The following TMEM94 variants were observed in gnomAD, a reference collection of about 807,000 sequenced individuals.
The protein encoded by TMEM94 is ER Mg2+ ATPase.
TMEM94 carries 81 observed loss-of-function variants against 158.6 expected under a neutral mutation model. The observed-to-expected ratio is 0.51, with a 90% CI of 0.43 to 0.61. TMEM94 has a LOEUF of 0.61. Among genes scored for constraint, TMEM94 ranks in the 20% least tolerant of loss-of-function variants. TMEM94 has a pLI of 0.00. For missense variants in TMEM94, 1,435 were observed against 1,762.0 expected (o/e 0.81, Z 3.32); for synonymous variants, 751 against 730.7 (o/e 1.03, Z -0.45).
rs185908227 is a variant in TMEM94 at position 75,488,168 on chromosome 17, C to T, written c.612+34C>T. On this transcript the variant is annotated intron_variant, in intron 6 of 31. Coordinates refer to ENST00000314256, the MANE Select transcript of TMEM94 (RefSeq NM_014738.6). The stretch of plus-strand genomic sequence containing the variant: ...AGGCTTTCCTTCTCCCTTGGAAATG[C>T]GGTGGGAACATCCACAGGCAACGAT... 1.3e-3 allele frequency: 2,147 copies of T among 1,602,622 alleles called. 16 individuals carry two copies. The highest frequency in any genetic ancestry group is 9.6e-4 in the South Asian group (87 of 90,770).
intron 2 of TMEM94, among the ~76,000 whole-genome samples, chr17:75,477,940 C>T (rs2050803140): frequency 7.1e-6 from 1 of 141,476 alleles, no homozygotes. Context: ...ACCCGAGAGA[C>T]GGAGGTTGTG....
chr17:75,463,662 G>C (rs897029445), intron 1 of TMEM94, among the ~76,000 whole-genome samples: 16 of 152,170 alleles, frequency 1.1e-4, no homozygotes, highest in African/African-American at 3.6e-4. Context: ...TTATACAGTA[G>C]TTTTTGAACC....
At position 75,495,324 on chromosome 17, in the gene TMEM94, G is replaced by C. The variant is rs143888419; in HGVS notation, c.2769G>C (p.Glu923Asp). Residue 923 changes from glutamate to aspartate, a missense_variant, in exon 21 of 32, where the codon GAG becomes GAC. By Grantham distance (45) the Glu-to-Asp change is conservative. Coordinates refer to ENST00000314256, the MANE Select transcript of TMEM94 (RefSeq NM_014738.6). The surrounding 1 kb of genome is among the most constrained non-coding windows in gnomAD (Gnocchi z 5.6). ...DDAEGLLLMEEEGHSDLISFQ... is the reference protein window; with the variant it reads ...DDAEGLLLMEDEGHSDLISFQ... Reference sequence around the variant, plus strand: ...CAGAAGGGCTCCTCCTCATGGAGGAGGAGGGCCACTCGGACCTCATCAGCT... The same window carrying C: ...CAGAAGGGCTCCTCCTCATGGAGGACGAGGGCCACTCGGACCTCATCAGCT... 7.4e-6 allele frequency: 12 copies of C among 1,613,578 alleles called. No homozygotes were observed. The highest frequency in any genetic ancestry group is 1.0e-5 in the Non-Finnish European group (12 of 1,179,854).
At chr17:75,496,605 C>A in intron 24 of TMEM94, 125 bp from the exon 25 acceptor site, 2 of 1,376,572 alleles carry the variant, frequency 1.5e-6, no homozygotes, top group East Asian at 2.3e-5. Context: ...CAGGCAGTTA[C>A]ATTCGCCTCT....
At position 75,499,675 on chromosome 17, in the gene TMEM94, GC is replaced by G; in HGVS notation, c.*347del. 3.8e-6 allele frequency: 1 copy of G among 262,526 alleles called. No individual in the cohort carries two copies. Among genetic ancestry groups the G allele is most frequent in the Non-Finnish European group, 7.4e-6 (1 of 136,032 alleles). The allele number at this position is 262,526 out of a possible 1,614,324, so 16.3% of individuals were successfully genotyped here. ...TCCCTTGCCCCCTTGGAGATCCCTT[GC>G]CCCCCAGTGCCTCTGCTCGTGGGTC... is the stretch of plus-strand genomic sequence containing the variant. On this transcript the variant is annotated 3_prime_UTR_variant, in exon 32 of 32. Transcript: ENST00000314256.
Position 75,488,022 on chromosome 17 carries a change from G to A in TMEM94, c.500G>A (p.Trp167Ter). 1 of 1,614,178 alleles carries A rather than the reference G, an allele frequency of 6.2e-7. No homozygotes were observed. Among genetic ancestry groups the A allele is most frequent in the Non-Finnish European group, 8.5e-7 (1 of 1,180,016 alleles). ...MPFAPSWSLH[W>*]AYRDGHLVNL... Reference sequence around the variant, plus strand: ...TTTGCGCCATCCTGGTCCTTGCACTGGGCCTACAGAGACGGACACCTGGTC... The same window carrying A: ...TTTGCGCCATCCTGGTCCTTGCACTAGGCCTACAGAGACGGACACCTGGTC... Residue 167 changes from tryptophan to a stop codon, truncating the protein, a stop_gained, in exon 6 of 32, where the codon TGG (tryptophan) becomes TAG (stop). Coordinates refer to ENST00000314256, the MANE Select transcript of TMEM94 (RefSeq NM_014738.6). LOFTEE classifies it high-confidence loss of function.
At chr17:75,474,039 C>T (rs9893891) in intron 2 of TMEM94, among the ~76,000 whole-genome samples, 82,499 of 151,788 alleles carry the variant, frequency 0.54, 25,938 homozygotes, top group Non-Finnish European at 0.71. Flanking sequence ...CGCTTGAACC[C>T]GGGAGGCAGA....
intron 1 of TMEM94, among the ~76,000 whole-genome samples, chr17:75,462,493 C>A (rs891170316): frequency 2.0e-4 from 30 of 151,534 alleles, no homozygotes; most frequent in Non-Finnish European, 4.0e-4. Context: ...GCTTGGTTCC[C>A]TCTAGTGATG....
chr17:75,480,888 C>T (rs1384699155), intron 2 of TMEM94, among the ~76,000 whole-genome samples: 5 of 152,166 alleles, frequency 3.3e-5, no homozygotes, highest in Admixed American at 6.5e-5. Flanking sequence ...GAGGCCTGGC[C>T]CAGGTATGGG....
chr17:75,493,494 C>T lies in TMEM94; in HGVS notation c.2090C>T (p.Thr697Ile), dbSNP rs772007136. The T allele has an allele frequency of 1.2e-6, 2 of 1,613,888 alleles. No homozygotes were observed. Among genetic ancestry groups the T allele is most frequent in the Non-Finnish European group, 1.7e-6 (2 of 1,179,898 alleles). ...GGGTTTGAACTCTCTCCCCCAGGCA[C>T]AGAGCAGATGCTGTCCCATGGCACC... is the stretch of plus-strand genomic sequence containing the variant. ...SLFIKDTTTS[T>I]EQMLSHGTAD... The change falls in exon 17 of 32, where the codon ACA becomes ATA. Residue 697 changes from threonine (T) to isoleucine (I), a missense_variant. Thr to Ile is a moderately conservative substitution (Grantham distance 89). This residue lies in a region of TMEM94 where 1,051 missense variants were observed against 1,254.4 expected (regional missense o/e 0.84). Coordinates refer to ENST00000314256, the MANE Select transcript of TMEM94 (RefSeq NM_014738.6).
intron 1 of TMEM94, chr17:75,457,686 G>A (rs2049936989): frequency 6.6e-6 from 1 of 152,244 alleles, no homozygotes; most frequent in Non-Finnish European, 1.5e-5. Flanking sequence ...TAGTGACATA[G>A]TTGTTATTCC....
At chr17:75,458,712 G>T (rs1295088325) in intron 1 of TMEM94, among the ~76,000 whole-genome samples, 1 of 148,540 alleles carries the variant, frequency 6.7e-6, no homozygotes, top group South Asian at 2.1e-4. Flanking sequence ...AAAAAAAAGA[G>T]TCATGGAATC....
intron 2 of TMEM94, among the ~76,000 whole-genome samples, chr17:75,472,152 C>T (rs560417538): frequency 7.9e-5 from 12 of 152,280 alleles, no homozygotes; most frequent in Non-Finnish European, 7.4e-5. Flanking sequence ...TTAACACAAC[C>T]GCATGGGAGC....
Position 75,489,127 on chromosome 17 carries a change from A to G in TMEM94, c.765-139A>G, listed in dbSNP as rs549564813. 5.4e-5 allele frequency: 51 copies of G among 941,224 alleles called. No individual in the cohort carries two copies. Among genetic ancestry groups the G allele is most frequent in the Non-Finnish European group, 6.2e-5 (38 of 612,696 alleles). 58.3% of individuals were successfully genotyped at this position (941,224 alleles called of 1,614,324 possible). Reference sequence around the variant, plus strand: ...ACAGCTCTGGAGGTGAACACGGGCTAGGGCCAGGGCAGAGCGTGGAACTGC... The same window carrying G: ...ACAGCTCTGGAGGTGAACACGGGCTGGGGCCAGGGCAGAGCGTGGAACTGC... On this transcript the variant is annotated intron_variant, in intron 7 of 31. Transcript: ENST00000314256. The surrounding 1 kb of genome is among the most constrained non-coding windows in gnomAD (Gnocchi z 5.0).
intron 2 of TMEM94, among the ~76,000 whole-genome samples, chr17:75,477,233 G>T (rs1334861243): frequency 1.3e-5 from 2 of 152,188 alleles, no homozygotes; most frequent in Non-Finnish European, 2.9e-5. Context: ...CATGAGCCAG[G>T]AAAAGGAGGA....
intron 26 of TMEM94, 106 bp downstream of exon 26, chr17:75,497,304 C>T: frequency 1.2e-6 from 1 of 822,934 alleles, no homozygotes; most frequent in East Asian, 2.5e-5. Context: ...TCAGGTCTCA[C>T]CTCCTCTGGT....
At chr17:75,460,428 T>A (rs574639763) in intron 1 of TMEM94, among the ~76,000 whole-genome samples, 1 of 152,250 alleles carries the variant, frequency 6.6e-6, no homozygotes, top group East Asian at 1.9e-4. Flanking sequence ...AGCGTAAACC[T>A]TCATTATGTT....
At chr17:75,457,490 G>C (rs1322711674) in intron 1 of TMEM94, 1 of 152,088 alleles carries the variant, frequency 6.6e-6, no homozygotes, top group Non-Finnish European at 1.5e-5. Flanking sequence ...GTGTCACCGC[G>C]GGCTAAACTT....
chr17:75,463,197 T>C (rs61264861), intron 1 of TMEM94, among the ~76,000 whole-genome samples: 57,371 of 88,444 alleles, frequency 0.65, 23,536 homozygotes, highest in Non-Finnish European at 0.84. Flanking sequence ...TATATATATA[T>C]ACAGTTTAAA....
Sources: allele counts gnomAD v4.1 joint callset (sites outside exome capture counted in the v4.1 genomes callset), GRCh38; gene constraint gnomAD v4.1.1; regional missense constraint gnomAD v4.1.1; non-coding constraint Gnocchi (gnomAD v3.1); transcripts MANE v1.5; gene names NCBI Gene and HGNC (gene_info 2026-07-23, HGNC 2026-07-21).